The following KLHDC3 variants were observed in gnomAD, a reference collection of about 807,000 sequenced individuals.
The protein encoded by KLHDC3 is kelch domain containing 3, also known as kelch domain-containing protein 3.
Under a neutral mutation model 44.1 loss-of-function variants are expected in KLHDC3, and 5 were observed. That is an observed-to-expected ratio of 0.11 (90% CI 0.06 to 0.24). KLHDC3 has a LOEUF of 0.24. Among genes scored for constraint, KLHDC3 ranks in the 10% least tolerant of loss-of-function variants. The pLI is 1.00. For missense variants in KLHDC3, 247 were observed against 514.3 expected (o/e 0.48, Z 5.03); for synonymous variants, 170 against 189.0 (o/e 0.90, Z 0.82).
Position 43,019,309 on chromosome 6 carries a change from G to A in KLHDC3, c.1025G>A (p.Cys342Tyr). The change falls in exon 10 of 11, where the codon TGC becomes TAC. Residue 342 changes from cysteine to tyrosine, a missense_variant. This residue lies in a region of KLHDC3 where 176 missense variants were observed against 413.5 expected (regional missense o/e 0.43). Coordinates refer to ENST00000326974, the MANE Select transcript of KLHDC3 (RefSeq NM_057161.4). ...LDFSPSLKTL[C>Y]KLAVIQYNLD... ...AAAGGCCCTAGTCTGAAGACTCTGT[G>A]CAAACTGGCCGTGATTCAGTATAAC... is the stretch of plus-strand genomic sequence containing the variant. The A allele has an allele frequency of 6.2e-7, 1 of 1,613,708 alleles. No individual in the cohort carries two copies. Among genetic ancestry groups the A allele is most frequent in the Non-Finnish European group, 8.5e-7 (1 of 1,179,660 alleles).
Position 43,014,311 on chromosome 6 carries a change from T to G in KLHDC3, c.-97T>G, listed in dbSNP as rs995405552. 5.8e-5 allele frequency: 38 copies of G among 653,838 alleles called. No individual in the cohort carries two copies. Among genetic ancestry groups the G allele is most frequent in the Non-Finnish European group, 9.1e-5 (35 of 383,204 alleles). 40.5% of individuals were successfully genotyped at this position (653,838 alleles called of 1,614,324 possible). ...CAACGGGTTCTAGGCTGCAGGCAGC[T>G]CGAGGACCCGCGGCCCCGCCCCGGC... On this transcript the variant is annotated 5_prime_UTR_variant, in exon 1 of 11. Coordinates refer to ENST00000326974, the MANE Select transcript of KLHDC3 (RefSeq NM_057161.4).
Position 43,018,626 on chromosome 6 carries a change from C to T in KLHDC3, c.734-7C>T, listed in dbSNP as rs200982050. 112 of 1,613,734 alleles carry T rather than the reference C, an allele frequency of 6.9e-5. No homozygotes were observed. The highest frequency in any genetic ancestry group is 3.6e-4 in the East Asian group (16 of 44,882). Reference sequence around the variant, plus strand: ...TCACACTCCTGACACTTCCTCTCTCCTTCCAGTTGGCTACAATGGGGAGCT... The same window carrying T: ...TCACACTCCTGACACTTCCTCTCTCTTTCCAGTTGGCTACAATGGGGAGCT... On this transcript the variant is annotated splice_region_variant and splice_polypyrimidine_tract_variant and intron_variant, in intron 6 of 10. Transcript: ENST00000326974. This position sits in a 1 kb window ranked among gnomAD's most constrained non-coding sequence, Gnocchi z 6.0.
chr6:43,020,880 T>A lies in KLHDC3; in HGVS notation c.*147T>A. ...CGAGAGGTGTTCTCTGTGCTGTGAA[T>A]TCAGTGGGGAGCTGTAGCGGGGTGG... On this transcript the variant is annotated 3_prime_UTR_variant, in exon 11 of 11. Transcript: ENST00000326974. 1.4e-6 allele frequency: 1 copy of A among 713,866 alleles called. No homozygotes were observed. Among genetic ancestry groups the A allele is most frequent in the East Asian group, 2.7e-5 (1 of 36,876 alleles). The allele number at this position is 713,866 out of a possible 1,614,324, so 44.2% of individuals were successfully genotyped here.
chr6:43,017,155 G>GC lies in KLHDC3; in HGVS notation c.-36dup. On this transcript the variant is annotated 5_prime_UTR_variant, in exon 2 of 11. Transcript: ENST00000326974. This position sits in a 1 kb window ranked among gnomAD's most constrained non-coding sequence, Gnocchi z 6.0. Reference sequence around the variant, plus strand: ...GCAGATAGCAGAGGCAGCAGGCCGTGCCGGGGGGGCATGTTGCTGTAACCA... The same window carrying GC: ...GCAGATAGCAGAGGCAGCAGGCCGTGCCCGGGGGGGCATGTTGCTGTAACCA... 1 of 1,596,740 alleles carries GC rather than the reference G, an allele frequency of 6.3e-7. No homozygotes were observed. Among genetic ancestry groups the GC allele is most frequent in the Non-Finnish European group, 8.5e-7 (1 of 1,173,688 alleles).
Position 43,017,086 on chromosome 6 carries a change from T to C in KLHDC3, c.-59-48T>C. 1 of 1,341,002 alleles carries C rather than the reference T, an allele frequency of 7.5e-7. No homozygotes were observed. Among genetic ancestry groups the C allele is most frequent in the Non-Finnish European group, 1.0e-6 (1 of 971,300 alleles). The allele number at this position is 1,341,002 out of a possible 1,614,324, so 83.1% of individuals were successfully genotyped here. A position where few individuals can be genotyped will look rare whatever the true frequency, so the allele number is the denominator to read the frequency against. Reference sequence around the variant, plus strand: ...GGTTCTGGGCAGAGTCACAGTGAGCTGGGCAGAAGCCTCGCCTGAGGATCC... The same window carrying C: ...GGTTCTGGGCAGAGTCACAGTGAGCCGGGCAGAAGCCTCGCCTGAGGATCC... On this transcript the variant is annotated intron_variant, in intron 1 of 10. Transcript: ENST00000326974. The surrounding 1 kb of genome is among the most constrained non-coding windows in gnomAD (Gnocchi z 6.0).
In KLHDC3 at chr6:43,020,997, T is replaced by G; in HGVS notation, c.*264T>G. ...CTTTCAGCTGCTCCTGGGCCTCAGC[T>G]CTGCCCAGGGCCAGCCAGGTTCTGC... On this transcript the variant is annotated 3_prime_UTR_variant, in exon 11 of 11. Transcript: ENST00000326974. 3.3e-6 allele frequency: 2 copies of G among 615,070 alleles called. No homozygotes were observed. The highest frequency in any genetic ancestry group is 6.1e-6 in the Non-Finnish European group (2 of 329,294). The allele number at this position is 615,070 out of a possible 1,614,324, so 38.1% of individuals were successfully genotyped here.
rs749741972 is a variant in KLHDC3 at position 43,018,304 on chromosome 6, T to G, written c.520-39T>G. On this transcript the variant is annotated intron_variant, in intron 5 of 10. Coordinates refer to ENST00000326974, the MANE Select transcript of KLHDC3 (RefSeq NM_057161.4). This position sits in a 1 kb window ranked among gnomAD's most constrained non-coding sequence, Gnocchi z 6.0. The stretch of plus-strand genomic sequence containing the variant: ...GTCAGAGGAGATCCTCTTCCAGTCT[T>G]TGTGCTGACCCCTCCACCATCTCTC... 1.1e-5 allele frequency: 17 copies of G among 1,595,984 alleles called. No homozygotes were observed. Among genetic ancestry groups the G allele is most frequent in the Non-Finnish European group, 1.5e-5 (17 of 1,164,290 alleles).
chr6:43,017,507 C>A lies in KLHDC3; in HGVS notation c.155-12C>A. 1 of 1,584,190 alleles carries A rather than the reference C, an allele frequency of 6.3e-7. No individual in the cohort carries two copies. Among genetic ancestry groups the A allele is most frequent in the Non-Finnish European group, 8.6e-7 (1 of 1,162,810 alleles). Reference sequence around the variant, plus strand: ...GGGAGGTTCCCAGGGCTGAGCAGAGCTGTGCCCACAGTGTCCTTGCGTTGG... The same window carrying A: ...GGGAGGTTCCCAGGGCTGAGCAGAGATGTGCCCACAGTGTCCTTGCGTTGG... On this transcript the variant is annotated splice_polypyrimidine_tract_variant and intron_variant, in intron 2 of 10. Transcript: ENST00000326974. The surrounding 1 kb of genome is among the most constrained non-coding windows in gnomAD (Gnocchi z 6.0).
chr6:43,019,498 G>T (rs922050031), intron 10 of KLHDC3, 132 bp downstream of exon 10: 2 of 648,240 alleles, frequency 3.1e-6, no homozygotes, highest in African/African-American at 3.6e-5. Context: ...GTACTTGTGG[G>T]AAATGAGATG....
In KLHDC3 at chr6:43,018,982, G is replaced by A. The variant is rs1257920791; in HGVS notation, c.929+11G>A. 2.5e-6 allele frequency: 4 copies of A among 1,597,492 alleles called. No homozygotes were observed. The highest frequency in any genetic ancestry group is 1.3e-5 in the African/African-American group (1 of 74,474). On this transcript the variant is annotated intron_variant, in intron 8 of 10. Transcript: ENST00000326974. This position sits in a 1 kb window ranked among gnomAD's most constrained non-coding sequence, Gnocchi z 6.0. ...CTTTGGGGGTACCAGGTTAGAAGGA[G>A]AGAGGGAAGGGGCTCAGGGAAGTCA... is the stretch of plus-strand genomic sequence containing the variant.
In KLHDC3 at chr6:43,019,304, T is replaced by G. The variant is rs752763718; in HGVS notation, c.1020T>G (p.Thr340=). The change falls in exon 10 of 11, where the codon ACT becomes ACG. Residue 340 remains threonine, a synonymous_variant. Coordinates refer to ENST00000326974, the MANE Select transcript of KLHDC3 (RefSeq NM_057161.4). ...CCCTTAAAGGCCCTAGTCTGAAGAC[T>G]CTGTGCAAACTGGCCGTGATTCAGT... ...HILDFSPSLK[T]LCKLAVIQYN... The G allele has an allele frequency of 5.6e-6, 9 of 1,613,612 alleles. No individual in the cohort carries two copies. The highest frequency in any genetic ancestry group is 1.3e-5 in the African/African-American group (1 of 74,890).
Position 43,020,977 on chromosome 6 carries a change from A to G in KLHDC3, c.*244A>G. 1 of 638,410 alleles carries G rather than the reference A, an allele frequency of 1.6e-6. No homozygotes were observed. Among genetic ancestry groups the G allele is most frequent in the Admixed American group, 2.1e-5 (1 of 47,748 alleles). The allele number at this position is 638,410 out of a possible 1,614,324, so 39.5% of individuals were successfully genotyped here. A position where few individuals can be genotyped will look rare whatever the true frequency, so the allele number is the denominator to read the frequency against. On this transcript the variant is annotated 3_prime_UTR_variant, in exon 11 of 11. Coordinates refer to ENST00000326974, the MANE Select transcript of KLHDC3 (RefSeq NM_057161.4). ...GCTCTGTCCCCATCCACCTCCTTTC[A>G]GCTGCTCCTGGGCCTCAGCTCTGCC...
chr6:43,016,483 G>A (rs1213992431), intron 1 of KLHDC3: 1 of 152,316 alleles, frequency 6.6e-6, no homozygotes, highest in Admixed American at 6.5e-5. Flanking sequence ...TTGTGCCTGT[G>A]GGGGGCCCTG....
rs527251320 is a variant in KLHDC3, at chr6:43,017,637, T to C, written c.273T>C (p.Leu91=). The change falls in exon 3 of 11, where the codon CTT becomes CTC. Residue 91 remains leucine, a synonymous_variant. Transcript: ENST00000326974. This position sits in a 1 kb window ranked among gnomAD's most constrained non-coding sequence, Gnocchi z 6.0. The part of the protein sequence containing the change: ...STVLIDDTVL[L]WGGRNDTEGA... ...TCCTCATCGACGACACAGTCCTCCT[T>C]TGGGGCGGGCGGAATGACACCGAAG... The C allele has an allele frequency of 6.2e-7, 1 of 1,614,080 alleles. No individual in the cohort carries two copies. Among genetic ancestry groups the C allele is most frequent in the Admixed American group, 1.7e-5 (1 of 59,986 alleles).
At position 43,017,719 on chromosome 6, in the gene KLHDC3, T is replaced by C. The variant is rs1259639389; in HGVS notation, c.331+24T>C. The C allele has an allele frequency of 1.2e-6, 2 of 1,606,756 alleles. No individual in the cohort carries two copies. Among genetic ancestry groups the C allele is most frequent in the East Asian group, 2.2e-5 (1 of 44,764 alleles). ...CAGTGAGTATGGATCTCAGAGAGGC[T>C]ATGTCCTTCCAGATGTTGCCTCAGT... On this transcript the variant is annotated intron_variant, in intron 3 of 10. Transcript: ENST00000326974. The surrounding 1 kb of genome is among the most constrained non-coding windows in gnomAD (Gnocchi z 6.0).
intron 1 of KLHDC3, chr6:43,016,545 T>A (rs1384761032): frequency 6.6e-6 from 1 of 152,436 alleles, no homozygotes; most frequent in African/African-American, 2.4e-5. Flanking sequence ...TGTGAGGGGC[T>A]AACCAACCGC....
chr6:43,018,803 G>T lies in KLHDC3; in HGVS notation c.821-60G>T, dbSNP rs978036394. The stretch of plus-strand genomic sequence containing the variant: ...AATAATCCTGAGGCGGTGAGGGATG[G>T]GGGTGGGGAAGATACCTGGACTAGG... On this transcript the variant is annotated intron_variant, in intron 7 of 10. Transcript: ENST00000326974. This position sits in a 1 kb window ranked among gnomAD's most constrained non-coding sequence, Gnocchi z 6.0. The T allele has an allele frequency of 6.5e-7, 1 of 1,547,514 alleles. No individual in the cohort carries two copies. Among genetic ancestry groups the T allele is most frequent in the Non-Finnish European group, 8.9e-7 (1 of 1,119,350 alleles).
Position 43,017,449 on chromosome 6 carries a change from A to G in KLHDC3, c.155-70A>G. The stretch of plus-strand genomic sequence containing the variant: ...TCTGGGACCAAGGGGATTGGGGACA[A>G]ACATCTGGTTTGGGAAAAGTGGACA... On this transcript the variant is annotated intron_variant, in intron 2 of 10. Transcript: ENST00000326974. This position sits in a 1 kb window ranked among gnomAD's most constrained non-coding sequence, Gnocchi z 6.0. 4 of 1,563,218 alleles carry G rather than the reference A, an allele frequency of 2.6e-6. No homozygotes were observed. The highest frequency in any genetic ancestry group is 3.5e-6 in the Non-Finnish European group (4 of 1,150,574).
Position 43,020,582 on chromosome 6 carries a change from GGT to G in KLHDC3, c.1083-80_1083-79del, listed in dbSNP as rs563337970. 244 of 1,040,468 alleles carry G rather than the reference GGT, an allele frequency of 2.3e-4. No individual in the cohort carries two copies. In the African/African-American group the frequency reaches 3.2e-3, roughly 14 times the overall value. 64.5% of individuals were successfully genotyped at this position (1,040,468 alleles called of 1,614,324 possible). A position where few individuals can be genotyped will look rare whatever the true frequency, so the allele number is the denominator to read the frequency against. On this transcript the variant is annotated intron_variant, in intron 10 of 10. Coordinates refer to ENST00000326974, the MANE Select transcript of KLHDC3 (RefSeq NM_057161.4). Reference sequence around the variant, plus strand: ...TGACCTTTAGGAAGTTGGAGAGACTGGTGTGTTTTTAGCTTGGTTCAAACATC... The same window carrying G: ...TGACCTTTAGGAAGTTGGAGAGACTGGTGTTTTTAGCTTGGTTCAAACATC...
Sources: allele counts gnomAD v4.1 joint callset, GRCh38; gene constraint gnomAD v4.1.1; regional missense constraint gnomAD v4.1.1; non-coding constraint Gnocchi (gnomAD v3.1); transcripts MANE v1.5; gene names NCBI Gene and HGNC (gene_info 2026-07-23, HGNC 2026-07-21).